The following PI4KA variants were observed in gnomAD, a reference collection of about 807,000 sequenced individuals.
PI4KA encodes the protein PI4-kinase alpha.
PI4KA carries 122 observed loss-of-function variants against 271.4 expected under a neutral mutation model. The ratio of observed to expected loss-of-function variants is 0.45; its 90% CI spans 0.39 to 0.52. The LOEUF is 0.52. Among genes scored for constraint, PI4KA ranks in the 20% least tolerant of loss-of-function variants. The pLI is 0.00. For missense variants in PI4KA, 1,969 were observed against 2,769.1 expected, an observed-to-expected ratio of 0.71 and a Z score of 6.48; for synonymous variants, 1,041 against 1,078.8, an observed-to-expected ratio of 0.96 and a Z score of 0.69.
At chr22:20,808,772 G>C (rs1935828664) in intron 9 of PI4KA, among the ~76,000 whole-genome samples, 1 of 151,506 alleles carries the variant, frequency 6.6e-6, no homozygotes, top group Non-Finnish European at 1.5e-5. Context: ...TTGAACTCCT[G>C]GGCTCAAGTG....
chr22:20,727,114 G>C, intron 41 of PI4KA, 116 bp downstream of exon 41: 2 of 806,218 alleles, frequency 2.5e-6, no homozygotes, highest in Non-Finnish European at 3.8e-6. Flanking sequence ...AACAGGGAAA[G>C]GACCAGTATG....
chr22:20,825,808 G>T (rs540699691), intron 3 of PI4KA, among the ~76,000 whole-genome samples: 1 of 152,174 alleles, frequency 6.6e-6, no homozygotes, highest in East Asian at 1.9e-4. Flanking sequence ...CGGGGGTTTG[G>T]TGTACAGATT....
At chr22:20,824,483 A>T (rs1923121386) in intron 3 of PI4KA, 69 bp from the exon 4 acceptor site, 1 of 1,072,464 alleles carries the variant, frequency 9.3e-7, no homozygotes, top group Non-Finnish European at 1.4e-6. Flanking sequence ...TGGCCATCCA[A>T]TTCAATATGT....
At chr22:20,714,980 G>A (rs970202872) in intron 45 of PI4KA, among the ~76,000 whole-genome samples, 3 of 152,170 alleles carry the variant, frequency 2.0e-5, no homozygotes, top group African/African-American at 4.8e-5. Flanking sequence ...CCATCCTCAC[G>A]GATACAGCCC....
At position 20,770,533 on chromosome 22, in the gene PI4KA, GA is replaced by G. The variant is rs377338039; in HGVS notation, c.2329-4841del. ...CGTCTCAAAAAAAAAAAAAAAAAAA[GA>G]GAGAGAGAGAGATCGGTTTTGCTAT... On this transcript the variant is annotated intron_variant, in intron 19 of 54. Transcript: ENST00000255882. Among the ~76,000 whole-genome samples the G allele has an allele frequency of 2.3e-3, 192 of 82,774 alleles. 28 individuals carry two copies. Among genetic ancestry groups the G allele is most frequent in the African/African-American group, 9.2e-3 (181 of 19,572 alleles). The allele number at this position is 82,774 out of a possible 152,430, so 54.3% of individuals were successfully genotyped here. A position where few individuals can be genotyped will look rare whatever the true frequency, so the allele number is the denominator to read the frequency against.
chr22:20,717,294 C>T (rs1345055717), intron 45 of PI4KA, among the ~76,000 whole-genome samples: 1 of 152,214 alleles, frequency 6.6e-6, no homozygotes, highest in Non-Finnish European at 1.5e-5. Context: ...CACCCAGGAG[C>T]GACTTCCCAT....
intron 8 of PI4KA, among the ~76,000 whole-genome samples, chr22:20,812,087 C>T (rs58690107): frequency 0.03 from 4,475 of 150,814 alleles, 87 homozygotes; most frequent in Middle Eastern, 0.062. Flanking sequence ...AAAAATAATA[C>T]CCCAAGAAAG....
At chr22:20,726,421 C>T in intron 42 of PI4KA, 67 bp downstream of exon 42, 1 of 1,380,906 alleles carries the variant, frequency 7.2e-7, no homozygotes, top group South Asian at 1.5e-5. Flanking sequence ...TGGGGACAGA[C>T]CGGGCACAAG....
At chr22:20,827,586 G>T (rs1923586277) in intron 3 of PI4KA, among the ~76,000 whole-genome samples, 1 of 152,108 alleles carries the variant, frequency 6.6e-6, no homozygotes, top group Non-Finnish European at 1.5e-5. Flanking sequence ...ATTCTGTGAA[G>T]AATGTCATTG....
At chr22:20,735,898 A>G (rs1928659934) in intron 32 of PI4KA, among the ~76,000 whole-genome samples, 1 of 152,224 alleles carries the variant, frequency 6.6e-6, no homozygotes, top group Non-Finnish European at 1.5e-5. Context: ...TGCCATGGAC[A>G]AGAAGCCATG....
chr22:20,764,756 A>G, intron 22 of PI4KA, 61 bp downstream of exon 22: 1 of 1,519,466 alleles, frequency 6.6e-7, no homozygotes, highest in Non-Finnish European at 8.9e-7. Context: ...ACGAGGGCAC[A>G]AAAATGAAAA....
At chr22:20,804,431 G>A (rs1935517124) in intron 11 of PI4KA, 31 bp from the exon 12 acceptor site, 1 of 1,417,728 alleles carries the variant, frequency 7.1e-7, no homozygotes, top group Non-Finnish European at 1.0e-6. Context: ...GGAGATGAGT[G>A]ATCAGCACAG....
At position 20,710,014 on chromosome 22, in the gene PI4KA, G is replaced by C. The variant is rs1925041563; in HGVS notation, c.6084-17C>G. Reference sequence around the variant, plus strand: ...ATGTAGGGCCTGGGGAGAGATAGGAGGGAGCGGTGGGCTGAGGCCAGCCTA... The same window carrying C: ...ATGTAGGGCCTGGGGAGAGATAGGACGGAGCGGTGGGCTGAGGCCAGCCTA... On this transcript the variant is annotated splice_polypyrimidine_tract_variant and intron_variant, in intron 52 of 54. Coordinates refer to ENST00000255882, the MANE Select transcript of PI4KA (RefSeq NM_058004.4). 6.4e-7 allele frequency: 1 copy of C among 1,567,300 alleles called. No homozygotes were observed. Among genetic ancestry groups the C allele is most frequent in the Non-Finnish European group, 8.8e-7 (1 of 1,137,492 alleles).
In PI4KA at chr22:20,761,375, G is replaced by C. The variant is rs1361437634; in HGVS notation, c.2720C>G (p.Ser907Ter). ...YRLEYMRVLR[S>*]TDPDRFQVMF... ...TACCTGGAAGCGATCAGGATCTGTT[G>C]AACGCAGTACCCTAAGAAGAAAACA... The change falls in exon 23 of 55, where the codon TCA becomes TGA. Residue 907 changes from serine to a stop codon, truncating the protein, a stop_gained. Coordinates refer to ENST00000255882, the MANE Select transcript of PI4KA (RefSeq NM_058004.4). LOFTEE classifies it high-confidence loss of function. 6.2e-7 allele frequency: 1 copy of C among 1,609,344 alleles called. No homozygotes were observed. The highest frequency in any genetic ancestry group is 1.3e-5 in the African/African-American group (1 of 74,828).
rs770024662 is a variant in PI4KA, at chr22:20,798,669, C to A, written c.2023G>T (p.Val675Leu). The A allele has an allele frequency of 1.2e-6, 2 of 1,612,710 alleles. No individual in the cohort carries two copies. The highest frequency in any genetic ancestry group is 1.7e-6 in the Non-Finnish European group (2 of 1,178,682). Residue 675 changes from valine (V) to leucine (L), a missense_variant, in exon 17 of 55, where the codon GTG becomes TTG. Val to Leu is a conservative substitution (Grantham distance 32). Transcript: ENST00000255882. ...CTGATCTGCTGGAAGAGGTTCCACA[C>A]TTCCTGATAGATGTATTGCTGGGAG... ...ITGNQYIYQE[V>L]WNLFQQISVK...
chr22:20,837,586 T>C (rs921856390), intron 2 of PI4KA, among the ~76,000 whole-genome samples: 3 of 152,196 alleles, frequency 2.0e-5, no homozygotes. Context: ...CTGTTCTAGA[T>C]AAATATTCAA....
chr22:20,851,888 C>A (rs761591255), intron 1 of PI4KA, among the ~76,000 whole-genome samples: 9 of 152,168 alleles, frequency 5.9e-5, no homozygotes, highest in Non-Finnish European at 1.0e-4. Flanking sequence ...CCAACATATA[C>A]AACAAAAGCA....
intron 23 of PI4KA, among the ~76,000 whole-genome samples, chr22:20,754,863 G>A (rs939120091): frequency 5.3e-5 from 8 of 152,102 alleles, no homozygotes; most frequent in African/African-American, 9.7e-5. Context: ...CAGGAGAATC[G>A]CTTGACCCCA....
intron 4 of PI4KA, among the ~76,000 whole-genome samples, chr22:20,822,525 A>G (rs891544428): frequency 1.3e-5 from 2 of 152,164 alleles, no homozygotes; most frequent in Admixed American, 6.5e-5. Flanking sequence ...GCCTTCTCCA[A>G]ATGAAATCAA....
Sources: gnomAD v4.1 joint callset for allele counts (sites outside exome capture counted in the v4.1 genomes callset) on GRCh38, gnomAD v4.1.1 for gene constraint, MANE v1.5 for transcripts, NCBI Gene and HGNC (gene_info 2026-07-23, HGNC 2026-07-21) for gene names.